Variants in CALCOCO1 observed in about 807,000 individuals in gnomAD.
CALCOCO1 encodes calcium-binding and coiled-coil domain-containing protein 1.
Under a neutral mutation model 86.3 loss-of-function variants are expected in CALCOCO1, and 44 were observed. That is an observed-to-expected ratio of 0.51 (90% CI 0.40 to 0.66). The LOEUF (loss-of-function observed/expected upper bound fraction) is 0.66. Among genes scored for constraint, CALCOCO1 ranks in the 30% least tolerant of loss-of-function variants. The pLI, the probability that CALCOCO1 is intolerant of heterozygous loss-of-function variation, is 0.00. For synonymous variants in CALCOCO1, 297 were observed against 327.6 expected (o/e 0.91, Z 1.01); for missense variants, 708 against 851.1 (o/e 0.83, Z 2.09).
At chr12:53,726,673 G>A (rs12319741) in intron 1 of CALCOCO1, among the ~76,000 whole-genome samples, 1,676 of 152,212 alleles carry the variant, frequency 0.011, 28 homozygotes, top group African/African-American at 0.038. Flanking sequence ...ACAAAAAGGA[G>A]CAACTTCTGT....
Position 53,715,811 on chromosome 12 carries a change from C to T in CALCOCO1, c.1242G>A (p.Gly414=), listed in dbSNP as rs1186602961. 3.3e-5 allele frequency: 53 copies of T among 1,613,460 alleles called. No individual in the cohort carries two copies. The highest frequency in any genetic ancestry group is 4.2e-5 in the Non-Finnish European group (50 of 1,180,046). The part of the protein sequence containing the change: ...EKCQWSKERA[G]LLQSVEAEKD... The stretch of plus-strand genomic sequence containing the variant: ...CCTCTACCTCCACACTCTGCAGCAG[C>T]CCTGCCCGCTCCTTGCTCCATTGGC... Residue 414 remains glycine (G), a synonymous_variant, in exon 9 of 15, where the codon GGG becomes GGA. Coordinates refer to ENST00000550804, the MANE Select transcript of CALCOCO1 (RefSeq NM_020898.3).
At chr12:53,712,899 G>A (rs1355377694) in intron 14 of CALCOCO1, 33 of 1,442,126 alleles carry the variant, frequency 2.3e-5, no homozygotes, top group Non-Finnish European at 2.9e-5. Flanking sequence ...GCATTGATAA[G>A]ATAGGGGTAG....
chr12:53,721,965 T>G, intron 5 of CALCOCO1, 60 bp downstream of exon 5: 7 of 1,592,968 alleles, frequency 4.4e-6, no homozygotes, highest in Non-Finnish European at 6.0e-6. Context: ...TTCACTGGGT[T>G]CAGATTTTGG....
In CALCOCO1 at chr12:53,725,156, C is replaced by T; in HGVS notation, c.87G>A (p.Lys29=). The T allele has an allele frequency of 6.2e-7, 1 of 1,613,432 alleles. No individual in the cohort carries two copies. The highest frequency in any genetic ancestry group is 8.5e-7 in the Non-Finnish European group (1 of 1,179,680). ...GGGGAAGGGTGTAGTGACATTCCACCTTGGTGTTGGGGATGTAGGTCCGGG... is the reference window on the plus strand; with the variant it reads ...GGGGAAGGGTGTAGTGACATTCCACTTTGGTGTTGGGGATGTAGGTCCGGG... ...NVARTYIPNT[K]VECHYTLPPG... The change falls in exon 2 of 15, where the codon AAG becomes AAA. Residue 29 remains lysine, a synonymous_variant. Coordinates refer to ENST00000550804, the MANE Select transcript of CALCOCO1 (RefSeq NM_020898.3).
intron 4 of CALCOCO1, 26 bp downstream of exon 4, chr12:53,723,567 G>A (rs1415573390): frequency 6.2e-7 from 1 of 1,613,124 alleles, no homozygotes; most frequent in Non-Finnish European, 8.5e-7. Context: ...CCTTGTCTGG[G>A]AATAACTCTG....
At chr12:53,717,700 AATT>A (rs1450973572) in intron 7 of CALCOCO1, among the ~76,000 whole-genome samples, 3 of 152,188 alleles carry the variant, frequency 2.0e-5, no homozygotes, top group South Asian at 2.1e-4. Context: ...ATGTCTTCTA[AATT>A]ATTAACAATT....
intron 1 of CALCOCO1, 81 bp from the exon 2 acceptor site, chr12:53,725,347 G>T: frequency 1.1e-6 from 1 of 899,648 alleles, no homozygotes; most frequent in Non-Finnish European, 1.6e-6. Context: ...CACACTCACA[G>T]CCCCTGCCAC....
chr12:53,714,794 G>A, intron 10 of CALCOCO1, 101 bp from the exon 11 acceptor site: 1 of 768,092 alleles, frequency 1.3e-6, no homozygotes, highest in East Asian at 2.6e-5. Context: ...GTCTCCCCAT[G>A]CCTCTGCTTC....
intron 10 of CALCOCO1, 21 bp downstream of exon 10, chr12:53,715,179 C>T (rs913876385): frequency 6.2e-6 from 10 of 1,613,472 alleles, no homozygotes; most frequent in Non-Finnish European, 8.5e-6. Context: ...GGACAGGACC[C>T]TTGGTGGCTG....
chr12:53,719,155 T>C (rs1303565712), intron 7 of CALCOCO1, among the ~76,000 whole-genome samples: 2 of 150,182 alleles, frequency 1.3e-5, no homozygotes, highest in African/African-American at 4.9e-5. Flanking sequence ...TCCACACCCA[T>C]TTTAAAAAGA....
At chr12:53,722,651 T>A (rs1945906930) in intron 4 of CALCOCO1, among the ~76,000 whole-genome samples, 1 of 152,094 alleles carries the variant, frequency 6.6e-6, no homozygotes, top group Non-Finnish European at 1.5e-5. Flanking sequence ...AACCATAGCA[T>A]ACCATACCTC....
At chr12:53,716,585 C>A (rs1318127497) in intron 7 of CALCOCO1, among the ~76,000 whole-genome samples, 170 bp from the exon 8 acceptor site, 1 of 152,190 alleles carries the variant, frequency 6.6e-6, no homozygotes, top group Non-Finnish European at 1.5e-5. Flanking sequence ...TAACTCAATC[C>A]TGCATATCCA....
At position 53,721,801 on chromosome 12, in the gene CALCOCO1, C is replaced by T. The variant is rs574991248; in HGVS notation, c.610-186G>A. 1.4e-5 allele frequency: 11 copies of T among 813,666 alleles called. No individual in the cohort carries two copies. The East Asian group carries it at 2.5e-4, about 18-fold the overall frequency. 50.4% of individuals were successfully genotyped at this position (813,666 alleles called of 1,614,324 possible). On this transcript the variant is annotated intron_variant, in intron 5 of 14. Coordinates refer to ENST00000550804, the MANE Select transcript of CALCOCO1 (RefSeq NM_020898.3). ...ATCAACGTGGCCACCTCCACCTTAC[C>T]CCAGCATTCCTATGTTCAAAGAACT...
chr12:53,716,329 A>G lies in CALCOCO1; in HGVS notation c.936T>C (p.Ala312=). 1 of 1,614,184 alleles carries G rather than the reference A, an allele frequency of 6.2e-7. No homozygotes were observed. Among genetic ancestry groups the G allele is most frequent in the Non-Finnish European group, 8.5e-7 (1 of 1,180,032 alleles). ...CCTTGTCTTTCAGTCGCTGAGCCTG[A>G]GCACTCTGCTCCTCTTGCCAGCTCT... The part of the protein sequence containing the change: ...EAKSWQEEQS[A]QAQRLKDKVA... The change falls in exon 8 of 15, where the codon GCT becomes GCC. Residue 312 remains alanine, a synonymous_variant. Transcript: ENST00000550804.
At position 53,715,270 on chromosome 12, in the gene CALCOCO1, G is replaced by C. The variant is rs778714259; in HGVS notation, c.1316C>G (p.Ala439Gly). ...LSAEILRLEK[A>G]VQEERTQNQV... is the part of the protein sequence containing the mutation. ...GTTTTGGGTCCTCTCCTCCTGAACTGCCTTCTCCAATCGAAGTATCTCTGC... is the reference window on the plus strand; with the variant it reads ...GTTTTGGGTCCTCTCCTCCTGAACTCCCTTCTCCAATCGAAGTATCTCTGC... Residue 439 changes from alanine to glycine, a missense_variant, in exon 10 of 15, where the codon GCA (alanine) becomes GGA (glycine). By Grantham distance (60) the Ala-to-Gly change is moderately conservative (BLOSUM62 0). Transcript: ENST00000550804. 4 of 1,614,102 alleles carry C rather than the reference G, an allele frequency of 2.5e-6. No homozygotes were observed. Among genetic ancestry groups the C allele is most frequent in the Non-Finnish European group, 3.4e-6 (4 of 1,179,998 alleles).
intron 6 of CALCOCO1, 47 bp downstream of exon 6, chr12:53,721,420 G>T (rs1419842163): frequency 6.5e-7 from 1 of 1,533,778 alleles, no homozygotes; most frequent in East Asian, 2.3e-5. Flanking sequence ...GGAGTGCGGG[G>T]GTCATGGAAG....
chr12:53,710,430 T>G lies in CALCOCO1; in HGVS notation c.*1514A>C, dbSNP rs1249942441. 1 of 152,400 alleles carries G rather than the reference T, an allele frequency of 6.6e-6. No individual in the cohort carries two copies. The highest frequency in any genetic ancestry group is 1.9e-4 in the East Asian group (1 of 5,184). 9.4% of individuals were successfully genotyped at this position (152,400 alleles called of 1,614,324 possible). On this transcript the variant is annotated 3_prime_UTR_variant, in exon 15 of 15. Transcript: ENST00000550804. ...GGCAGCTGAGAAGGGAGCTATTGGG[T>G]TGGAGGACGAGGGGGTTGTAGGCAT...
chr12:53,712,643 C>T, intron 14 of CALCOCO1: 1 of 371,074 alleles, frequency 2.7e-6, no homozygotes, highest in Non-Finnish European at 4.6e-6. Flanking sequence ...AAGGGTTACC[C>T]AGGGAAGTCA....
intron 14 of CALCOCO1, 138 bp from the exon 15 acceptor site, chr12:53,712,259 C>T (rs1294494678): frequency 1.5e-6 from 1 of 680,014 alleles, no homozygotes; most frequent in African/African-American, 1.8e-5. Context: ...GCCTCTCCCA[C>T]AGCGTCTTTC....
Sources: gnomAD v4.1 joint callset for allele counts (sites outside exome capture counted in the v4.1 genomes callset) on GRCh38, gnomAD v4.1.1 for gene constraint, MANE v1.5 for transcripts, NCBI Gene and HGNC (gene_info 2026-07-23, HGNC 2026-07-21) for gene names.